ITPKB: variants seen among roughly 807,000 people sequenced by gnomAD.
ITPKB encodes inositol-trisphosphate 3-kinase B, also known as IP3 3-kinase B.
A neutral mutation model predicts 69.4 loss-of-function variants in ITPKB; 13 were observed. The observed-to-expected ratio is 0.19, with a 90% CI of 0.12 to 0.30. The LOEUF (loss-of-function observed/expected upper bound fraction) is 0.30, where lower values mean the gene tolerates loss of function less well. Ranked by LOEUF, ITPKB falls within the 10% of genes least tolerant of loss-of-function variation. ITPKB has a pLI of 1.00. For synonymous variants in ITPKB, 584 were observed against 513.7 expected (o/e 1.14, Z -1.85); for missense variants, 1,240 against 1,250.5 (o/e 0.99, Z 0.13).
At chr1:226,727,281 ACAGT>A (rs1037998770) in intron 2 of ITPKB, among the ~76,000 whole-genome samples, 11 of 152,238 alleles carry the variant, frequency 7.2e-5, no homozygotes, top group Non-Finnish European at 1.6e-4. Context: ...GCTGAATTAC[ACAGT>A]CAGTCATCAA....
intron 7 of ITPKB, among the ~76,000 whole-genome samples, chr1:226,635,093 C>T (rs898510445): frequency 2.2e-4 from 33 of 152,168 alleles, no homozygotes; most frequent in African/African-American, 7.5e-4. Context: ...CCAGGGTCGG[C>T]GACCACCCTT....
intron 2 of ITPKB, among the ~76,000 whole-genome samples, chr1:226,649,854 A>C (rs200714246): frequency 3.1e-3 from 410 of 132,308 alleles, no homozygotes; most frequent in African/African-American, 3.6e-3. Context: ...ACAAAAAAAC[A>C]AAAAAAAAAC....
At chr1:226,731,646 G>A (rs1435545156) in intron 2 of ITPKB, among the ~76,000 whole-genome samples, 1 of 152,172 alleles carries the variant, frequency 6.6e-6, no homozygotes, top group Non-Finnish European at 1.5e-5. Context: ...GAGCCCATGA[G>A]TGTGTCCTTG....
At chr1:226,675,715 G>C (rs1283091120) in intron 2 of ITPKB, among the ~76,000 whole-genome samples, 1 of 152,062 alleles carries the variant, frequency 6.6e-6, no homozygotes, top group Non-Finnish European at 1.5e-5. Context: ...CACATCCTTG[G>C]GCTGCTGTGA....
chr1:226,636,487 T>C (rs1319707766), intron 7 of ITPKB, among the ~76,000 whole-genome samples: 1 of 152,074 alleles, frequency 6.6e-6, no homozygotes, highest in African/African-American at 2.4e-5. Context: ...GGCCTGGTGG[T>C]GTAGTTTGCA....
rs1338602262 is a variant in ITPKB at position 226,736,916 on chromosome 1, G to A, written c.543C>T (p.Arg181=). 1.9e-6 allele frequency: 3 copies of A among 1,610,644 alleles called. No individual in the cohort carries two copies. The highest frequency in any genetic ancestry group is 1.7e-5 in the Admixed American group (1 of 60,032). Residue 181 remains arginine (R), a synonymous_variant, in exon 2 of 8, where the codon CGC becomes CGT. Coordinates refer to ENST00000429204, the MANE Select transcript of ITPKB (RefSeq NM_002221.4). ...CCCTTCCAGGGGGCTGACTGCTGCT[G>A]CGGAAGGGGCACGGGGAGGGCGAGC... The part of the protein sequence containing the change: ...RARSPSPCPF[R]SSSQPPGRVL...
intron 2 of ITPKB, among the ~76,000 whole-genome samples, chr1:226,690,695 C>T (rs1199355603): frequency 6.6e-6 from 1 of 152,236 alleles, no homozygotes; most frequent in Non-Finnish European, 1.5e-5. Context: ...ACACTTCACT[C>T]ACACACAGGA....
At chr1:226,711,436 AGAGAGAGTGTGT>A (rs768764904) in intron 2 of ITPKB, among the ~76,000 whole-genome samples, 70 of 132,332 alleles carry the variant, frequency 5.3e-4, no homozygotes, top group South Asian at 1.6e-3. Flanking sequence ...AGAGAGAGAG[AGAGAGAGTGTGT>A]GTGTGTGTGT....
intron 2 of ITPKB, among the ~76,000 whole-genome samples, chr1:226,709,619 A>G (rs1344230439): frequency 6.6e-6 from 1 of 152,162 alleles, no homozygotes; most frequent in Admixed American, 6.5e-5. Context: ...TCCTAGGTAA[A>G]GCAGAAGACG....
chr1:226,647,298 C>A lies in ITPKB; in HGVS notation c.2115G>T (p.Val705=), dbSNP rs968893361. 23 of 1,614,092 alleles carry A rather than the reference C, an allele frequency of 1.4e-5. No individual in the cohort carries two copies. In the African/African-American group the frequency reaches 2.9e-4, roughly 21 times the overall value. Residue 705 remains valine (V), a synonymous_variant, in exon 4 of 8, where the codon GTG becomes GTT. Coordinates refer to ENST00000429204, the MANE Select transcript of ITPKB (RefSeq NM_002221.4). The stretch of plus-strand genomic sequence containing the variant: ...CAGGTACGAAGGGCCTCAGCACATC[C>A]ACCATCAGCCGGTCCAGGCAGCGCT... ...SEQRCLDRLM[V]DVLRPFVPAY...
chr1:226,712,849 GGAGGAAACACACAACCCA>G (rs1179002543), intron 2 of ITPKB, among the ~76,000 whole-genome samples: 1 of 152,078 alleles, frequency 6.6e-6, no homozygotes, highest in Non-Finnish European at 1.5e-5. Flanking sequence ...GCTTGGGGAG[GGAGGAAACACACAACCCA>G]GATTAAGCAG....
chr1:226,721,794 CT>C (rs1288721485), intron 2 of ITPKB, among the ~76,000 whole-genome samples: 1 of 151,036 alleles, frequency 6.6e-6, no homozygotes, highest in Non-Finnish European at 1.5e-5. Flanking sequence ...CGCACCTGGC[CT>C]TTTTTTCTTT....
chr1:226,680,306 C>T (rs918486427), intron 2 of ITPKB, among the ~76,000 whole-genome samples: 1 of 152,188 alleles, frequency 6.6e-6, no homozygotes, highest in African/African-American at 2.4e-5. Context: ...AAAGAGCAAG[C>T]GAGTTCCTGA....
At chr1:226,688,711 C>T (rs1656274998) in intron 2 of ITPKB, among the ~76,000 whole-genome samples, 1 of 152,200 alleles carries the variant, frequency 6.6e-6, no homozygotes, top group Non-Finnish European at 1.5e-5. Context: ...TCCCCTTTCA[C>T]CTGGCATTTG....
At chr1:226,719,264 G>A (rs1457303826) in intron 2 of ITPKB, among the ~76,000 whole-genome samples, 1 of 152,202 alleles carries the variant, frequency 6.6e-6, no homozygotes, top group Admixed American at 6.5e-5. Context: ...GGGCAATAGA[G>A]CGGGACAAAA....
chr1:226,646,861 C>A (rs1215017573), intron 4 of ITPKB, among the ~76,000 whole-genome samples: 1 of 152,206 alleles, frequency 6.6e-6, no homozygotes, highest in Non-Finnish European at 1.5e-5. Flanking sequence ...GAACCAAGGG[C>A]AGCTCTCTCT....
At chr1:226,724,292 C>CA (rs1657340488) in intron 2 of ITPKB, among the ~76,000 whole-genome samples, 3 of 152,174 alleles carry the variant, frequency 2.0e-5, no homozygotes, top group African/African-American at 7.2e-5. Context: ...TCCCCCAGCA[C>CA]ACACTTCCTA....
intron 2 of ITPKB, among the ~76,000 whole-genome samples, chr1:226,721,103 G>T (rs1404791718): frequency 1.3e-5 from 2 of 151,692 alleles, no homozygotes; most frequent in Non-Finnish European, 2.9e-5. Context: ...CAGCACTTTG[G>T]GAGGCCGAGG....
chr1:226,690,692 AC>A (rs1278953754), intron 2 of ITPKB, among the ~76,000 whole-genome samples: 1 of 152,120 alleles, frequency 6.6e-6, no homozygotes, highest in East Asian at 1.9e-4. Context: ...CACACACTTC[AC>A]TCACACACAG....
Sources: gnomAD v4.1 joint callset for allele counts (sites outside exome capture counted in the v4.1 genomes callset) on GRCh38, gnomAD v4.1.1 for gene constraint, MANE v1.5 for transcripts, NCBI Gene and HGNC (gene_info 2026-07-23, HGNC 2026-07-21) for gene names.